PKP4: variants seen among roughly 807,000 people sequenced by gnomAD.
PKP4 encodes plakophilin 4, also known as plakophilin-4.
Under a neutral mutation model 145.1 loss-of-function variants are expected in PKP4, and 90 were observed. That is an observed-to-expected ratio of 0.62 (90% CI 0.52 to 0.74). The LOEUF (loss-of-function observed/expected upper bound fraction) is 0.74. Ranked by LOEUF, PKP4 falls within the 30% of genes least tolerant of loss-of-function variation. The pLI is 0.00. For missense variants in PKP4, 1,340 were observed against 1,482.7 expected (o/e 0.90, Z 1.58); for synonymous variants, 563 against 577.2 (o/e 0.98, Z 0.35).
At chr2:158,629,048 G>A (rs568396715) in intron 7 of PKP4, among the ~76,000 whole-genome samples, 2 of 152,232 alleles carry the variant, frequency 1.3e-5, no homozygotes, top group Admixed American at 6.5e-5. Context: ...TTTGTCTAAG[G>A]TATTCATGGG....
chr2:158,470,228 C>A (rs1408094124), intron 1 of PKP4, among the ~76,000 whole-genome samples: 2 of 152,180 alleles, frequency 1.3e-5, no homozygotes, highest in Non-Finnish European at 1.5e-5. Flanking sequence ...TTGTTTACAA[C>A]CTTAGTTATC....
chr2:158,584,688 A>T (rs552853621), intron 3 of PKP4, among the ~76,000 whole-genome samples: 4 of 152,336 alleles, frequency 2.6e-5, no homozygotes, highest in African/African-American at 9.6e-5. Context: ...AACTAGAAGG[A>T]TTAAAAGTAT....
At chr2:158,530,504 CTTTTTTTTT>C (rs869120223) in intron 1 of PKP4, among the ~76,000 whole-genome samples, 5,256 of 92,292 alleles carry the variant, frequency 0.057, 136 homozygotes, top group Non-Finnish European at 0.082. Flanking sequence ...CTCTTTCTTT[CTTTTTTTTT>C]TTTTTTTTTT....
At position 158,631,628 on chromosome 2, in the gene PKP4, C is replaced by G. The variant is rs1053113139; in HGVS notation, c.1154-125C>G. On this transcript the variant is annotated intron_variant, in intron 7 of 21. Transcript: ENST00000389759. ...CTGGTCTCAAATTCCTGGGCTCAAG[C>G]CATTCTCCCACCTCTGTCTCCCAAA... 2.5e-5 allele frequency: 20 copies of G among 803,140 alleles called. No individual in the cohort carries two copies. In the Middle Eastern group the frequency reaches 2.1e-3, roughly 86 times the overall value. 49.8% of individuals were successfully genotyped at this position (803,140 alleles called of 1,614,324 possible).
At chr2:158,586,935 A>G (rs546064086) in intron 3 of PKP4, among the ~76,000 whole-genome samples, 4 of 152,362 alleles carry the variant, frequency 2.6e-5, no homozygotes, top group South Asian at 4.1e-4. Flanking sequence ...GTATTGCAGT[A>G]AGCTAACGTA....
chr2:158,680,918 G>A lies in PKP4; in HGVS notation c.*241G>A. 2.4e-6 allele frequency: 1 copy of A among 414,392 alleles called. No homozygotes were observed. The highest frequency in any genetic ancestry group is 4.3e-6 in the Non-Finnish European group (1 of 234,232). The allele number at this position is 414,392 out of a possible 1,614,324, so 25.7% of individuals were successfully genotyped here. A position where few individuals can be genotyped will look rare whatever the true frequency, so the allele number is the denominator to read the frequency against. Reference sequence around the variant, plus strand: ...CTTATAGATTCTGTAGTCTGGTGAAGGTGTGGGTGACGTGATGAGAGGTTT... The same window carrying A: ...CTTATAGATTCTGTAGTCTGGTGAAAGTGTGGGTGACGTGATGAGAGGTTT... On this transcript the variant is annotated 3_prime_UTR_variant, in exon 22 of 22. Transcript: ENST00000389759.
At chr2:158,630,962 G>T (rs1390715875) in intron 7 of PKP4, among the ~76,000 whole-genome samples, 9 of 108,100 alleles carry the variant, frequency 8.3e-5, no homozygotes, top group African/African-American at 2.7e-4. Context: ...TTTTGAGACG[G>T]CGTCTTGCTC....
intron 3 of PKP4, among the ~76,000 whole-genome samples, chr2:158,590,378 C>CT (rs60189310): frequency 0.014 from 1,342 of 97,376 alleles, 16 homozygotes; most frequent in Non-Finnish European, 0.019. Context: ...TTCTTCTAGA[C>CT]TTTTTTTTTT....
intron 3 of PKP4, 64 bp from the exon 4 acceptor site, chr2:158,603,006 G>T: frequency 2.2e-6 from 2 of 922,468 alleles, no homozygotes; most frequent in East Asian, 2.7e-5. Context: ...TGCAAAACAG[G>T]TCCTAAGCTA....
At chr2:158,582,436 A>C (rs2048408396) in intron 3 of PKP4, among the ~76,000 whole-genome samples, 1 of 152,242 alleles carries the variant, frequency 6.6e-6, no homozygotes, top group South Asian at 2.1e-4. Context: ...AAAGAAGATA[A>C]AATTTAGAAA....
intron 7 of PKP4, among the ~76,000 whole-genome samples, chr2:158,628,652 A>G (rs2053047990): frequency 6.6e-6 from 1 of 152,206 alleles, no homozygotes; most frequent in East Asian, 1.9e-4. Context: ...TTATATTTCT[A>G]AATGCAAAAA....
intron 3 of PKP4, among the ~76,000 whole-genome samples, chr2:158,584,464 T>C (rs1463845573): frequency 6.6e-6 from 1 of 152,178 alleles, no homozygotes; most frequent in Non-Finnish European, 1.5e-5. Context: ...CATTGTACGA[T>C]CTGTGTTCAC....
intron 2 of PKP4, chr2:158,533,578 C>T (rs1574341679): frequency 1.8e-6 from 1 of 548,804 alleles, no homozygotes; most frequent in Non-Finnish European, 3.6e-6. Flanking sequence ...GTCTCTCCCA[C>T]ATTGCAGAGT....
At position 158,624,929 on chromosome 2, in the gene PKP4, GCA is replaced by G. The variant is rs2052613464; in HGVS notation, c.658_659del (p.Gln220ValfsTer23). 1.2e-6 allele frequency: 2 copies of G among 1,613,530 alleles called. No homozygotes were observed. Among genetic ancestry groups the G allele is most frequent in the Non-Finnish European group, 1.7e-6 (2 of 1,179,696 alleles). On this transcript the variant is annotated frameshift_variant, in exon 7 of 22. Transcript: ENST00000389759. LOFTEE classifies it high-confidence loss of function. ...MRRVSSVPSR[A>X]QSPSYVISTG... ...AAGAGTTAGTTCAGTTCCATCTAGA[GCA>G]CAGTCTCCTTCTTATGTTATCAGCA...
rs781212347 is a variant in PKP4, at chr2:158,642,533, C to T, written c.1743C>T (p.His581=). The T allele has an allele frequency of 6.2e-7, 1 of 1,613,450 alleles. No individual in the cohort carries two copies. The highest frequency in any genetic ancestry group is 8.5e-7 in the Non-Finnish European group (1 of 1,179,454). The part of the protein sequence containing the change: ...GIKHLVDLLD[H]RVLEVQKNAC... Reference sequence around the variant, plus strand: ...AGCATCTGGTTGACCTTCTGGACCACAGAGTTTTGGAAGTTCAGAAGAATG... The same window carrying T: ...AGCATCTGGTTGACCTTCTGGACCATAGAGTTTTGGAAGTTCAGAAGAATG... Residue 581 remains histidine, a synonymous_variant, in exon 11 of 22, where the codon CAC becomes CAT. Coordinates refer to ENST00000389759, the MANE Select transcript of PKP4 (RefSeq NM_003628.6).
intron 2 of PKP4, among the ~76,000 whole-genome samples, chr2:158,574,693 A>T (rs1359119651): frequency 6.6e-6 from 1 of 152,186 alleles, no homozygotes; most frequent in Non-Finnish European, 1.5e-5. Flanking sequence ...AGTGCTTTAT[A>T]GCTTCTTGAT....
At chr2:158,480,762 G>C (rs1041259284) in intron 1 of PKP4, among the ~76,000 whole-genome samples, 2 of 152,132 alleles carry the variant, frequency 1.3e-5, no homozygotes, top group Admixed American at 6.5e-5. Context: ...ATACAGTTCA[G>C]TGATTTTTAG....
chr2:158,623,345 TTTTG>T (rs2052438824), intron 6 of PKP4, among the ~76,000 whole-genome samples: 1 of 152,086 alleles, frequency 6.6e-6, no homozygotes. Context: ...CAGCTAATTT[TTTTG>T]TTTGTTTGTT....
At chr2:158,655,102 G>A (rs2055783763) in intron 11 of PKP4, among the ~76,000 whole-genome samples, 1 of 152,030 alleles carries the variant, frequency 6.6e-6, no homozygotes, top group South Asian at 2.1e-4. Context: ...GCTTTTTAAG[G>A]TATTATATGT....
Sources: allele counts gnomAD v4.1 joint callset (sites outside exome capture counted in the v4.1 genomes callset), GRCh38; gene constraint gnomAD v4.1.1; transcripts MANE v1.5; gene names NCBI Gene and HGNC (gene_info 2026-07-23, HGNC 2026-07-21).